The following LRP1B variants were observed in gnomAD, a reference collection of about 807,000 sequenced individuals.
LRP1B encodes the protein low-density lipoprotein receptor-related protein 1B.
LRP1B carries 217 observed loss-of-function variants against 556.6 expected under a neutral mutation model. The ratio of observed to expected loss-of-function variants is 0.39; its 90% confidence interval spans 0.35 to 0.44. The LOEUF is 0.44. Among genes scored for constraint, LRP1B ranks in the 20% least tolerant of loss-of-function variants. LRP1B has a pLI of 1.00. For missense variants in LRP1B, 5,053 were observed against 5,620.8 expected, an observed-to-expected ratio of 0.90 and a Z score of 3.23; for synonymous variants, 2,047 against 1,865.8, an observed-to-expected ratio of 1.10 and a Z score of -2.50.
chr2:141,548,533 T>C (rs930634294), intron 2 of LRP1B, among the ~76,000 whole-genome samples: 3 of 152,238 alleles, frequency 2.0e-5, no homozygotes, highest in Non-Finnish European at 4.4e-5. Flanking sequence ...TTTTGCCCTT[T>C]GTTCATTGTT....
chr2:140,920,846 C>T (rs1487137466), intron 21 of LRP1B, among the ~76,000 whole-genome samples: 7 of 152,012 alleles, frequency 4.6e-5, no homozygotes, highest in East Asian at 3.9e-4. Flanking sequence ...GTAGAAACAT[C>T]GGATGTTTAA....
chr2:141,824,566 C>G (rs551087092), intron 1 of LRP1B, among the ~76,000 whole-genome samples: 1 of 152,078 alleles, frequency 6.6e-6, no homozygotes, highest in East Asian at 1.9e-4. Context: ...GGGGTTTCAC[C>G]GTGGTCTCGA....
intron 3 of LRP1B, among the ~76,000 whole-genome samples, chr2:141,347,936 C>T (rs1376087738): frequency 1.3e-5 from 2 of 152,006 alleles, no homozygotes; most frequent in Non-Finnish European, 2.9e-5. Flanking sequence ...ATGTCTAAAA[C>T]ATTTCTTGAG....
intron 15 of LRP1B, among the ~76,000 whole-genome samples, chr2:141,000,729 C>T (rs577048319): frequency 3.3e-5 from 5 of 152,120 alleles, no homozygotes; most frequent in Admixed American, 3.3e-4. Context: ...TATAACAATT[C>T]ATTTAAGTCA....
intron 1 of LRP1B, among the ~76,000 whole-genome samples, chr2:141,812,089 T>C (rs1696377391): frequency 6.6e-6 from 1 of 152,154 alleles, no homozygotes; most frequent in Non-Finnish European, 1.5e-5. Flanking sequence ...ATTCAGGTTA[T>C]AAGACCTGGG....
chr2:140,416,038 G>A (rs1157955887), intron 66 of LRP1B, among the ~76,000 whole-genome samples: 1 of 152,138 alleles, frequency 6.6e-6, no homozygotes, highest in Non-Finnish European at 1.5e-5. Flanking sequence ...GTACTGATTG[G>A]TGGCCTGTTA....
chr2:140,519,355 TG>T (rs1690058041), intron 49 of LRP1B, among the ~76,000 whole-genome samples: 1 of 152,048 alleles, frequency 6.6e-6, no homozygotes, highest in Non-Finnish European at 1.5e-5. Context: ...AAACAAGAAA[TG>T]GGGAAAGGAT....
rs180942895 is a variant in LRP1B, at chr2:141,171,936, T to C, written c.1013+16485A>G. ...TATTCTCCTCCTTTCTCTCTGGCTG[T>C]CTCTTAAAGAAAATGGACCCCATCA... is the stretch of plus-strand genomic sequence containing the variant. On this transcript the variant is annotated intron_variant, in intron 7 of 90. Transcript: ENST00000389484. Among the ~76,000 whole-genome samples, 12 of 152,180 alleles carry C rather than the reference T, an allele frequency of 7.9e-5. No homozygotes were observed. The East Asian group carries it at 2.1e-3, about 27-fold the overall frequency.
intron 29 of LRP1B, among the ~76,000 whole-genome samples, chr2:140,849,861 G>C (rs1692403828): frequency 6.6e-6 from 1 of 151,966 alleles, no homozygotes; most frequent in Non-Finnish European, 1.5e-5. Flanking sequence ...ATTTTAAGGT[G>C]ATCTGTCCTG....
At chr2:140,694,697 T>G (rs1194784174) in intron 41 of LRP1B, among the ~76,000 whole-genome samples, 7 of 152,154 alleles carry the variant, frequency 4.6e-5, no homozygotes, top group Non-Finnish European at 1.0e-4. Context: ...AAAAGACTAT[T>G]AAATCTATTA....
intron 32 of LRP1B, among the ~76,000 whole-genome samples, chr2:140,805,226 T>C (rs986215658): frequency 6.6e-6 from 1 of 152,150 alleles, no homozygotes; most frequent in Admixed American, 6.6e-5. Context: ...AATCCCATCC[T>C]GGAAAATTGC....
intron 7 of LRP1B, among the ~76,000 whole-genome samples, chr2:141,153,825 A>G (rs529192259): frequency 6.6e-6 from 1 of 151,248 alleles, no homozygotes; most frequent in South Asian, 2.1e-4. Flanking sequence ...CTGTTTAAAT[A>G]TATAGGGAAG....
intron 7 of LRP1B, among the ~76,000 whole-genome samples, chr2:141,126,978 T>C: frequency 6.6e-6 from 1 of 152,148 alleles, no homozygotes; most frequent in Non-Finnish European, 1.5e-5. Flanking sequence ...GCCATCTACA[T>C]TAGGTATTTC....
chr2:140,698,048 C>T (rs1686498578), intron 41 of LRP1B, among the ~76,000 whole-genome samples: 1 of 151,604 alleles, frequency 6.6e-6, no homozygotes, highest in Non-Finnish European at 1.5e-5. Context: ...GTAAACTATA[C>T]CTAAATAAAA....
intron 7 of LRP1B, among the ~76,000 whole-genome samples, chr2:141,085,634 G>A (rs542988489): frequency 6.6e-5 from 10 of 152,202 alleles, no homozygotes; most frequent in African/African-American, 1.4e-4. Flanking sequence ...GTGACAAAAC[G>A]AATTTCTGTT....
chr2:140,951,813 A>G (rs758128164), intron 19 of LRP1B, 47 bp downstream of exon 19: 8 of 1,465,938 alleles, frequency 5.5e-6, no homozygotes, highest in Middle Eastern at 3.5e-4. Context: ...CCAGACCGCC[A>G]AGCCCCCGAT....
chr2:141,890,390 A>ATGTATTGTGTGTGTATATATATATGTATT (rs375936846), intron 1 of LRP1B, among the ~76,000 whole-genome samples: 1 of 135,968 alleles, frequency 7.4e-6, no homozygotes, highest in African/African-American at 2.8e-5. Context: ...ATACATATAT[A>ATGTATTGTGTGTGTATATATATATGTATT]GTGTATATAT....
At chr2:140,299,141 TCTTA>T (rs1242719878) in intron 83 of LRP1B, among the ~76,000 whole-genome samples, 2 of 152,206 alleles carry the variant, frequency 1.3e-5, no homozygotes, top group Admixed American at 6.5e-5. Flanking sequence ...TGAGTGTAAA[TCTTA>T]CTAAGACTTA....
chr2:140,432,681 C>G (rs1686003789), intron 66 of LRP1B, among the ~76,000 whole-genome samples: 1 of 152,170 alleles, frequency 6.6e-6, no homozygotes, highest in African/African-American at 2.4e-5. Context: ...TGAAGAACTT[C>G]TAACAGAGAT....
Sources: allele counts gnomAD v4.1 joint callset (sites outside exome capture counted in the v4.1 genomes callset), GRCh38; gene constraint gnomAD v4.1.1; transcripts MANE v1.5; gene names NCBI Gene and HGNC (gene_info 2026-07-23, HGNC 2026-07-21).